Variants in CTNNA3 observed in about 807,000 individuals in gnomAD.
CTNNA3 encodes the protein catenin alpha 3.
A neutral mutation model predicts 95.7 loss-of-function variants in CTNNA3; 76 were observed. The ratio of observed to expected loss-of-function variants is 0.79; its 90% confidence interval spans 0.66 to 0.96. The LOEUF is 0.96. Ranked by LOEUF, CTNNA3 falls within the 40% of genes least tolerant of loss-of-function variation. CTNNA3 has a pLI of 0.00. For synonymous variants in CTNNA3, 431 were observed against 374.4 expected, an observed-to-expected ratio of 1.15 and a Z score of -1.74; for missense variants, 1,191 against 1,089.8, an observed-to-expected ratio of 1.09 and a Z score of -1.31.
intron 7 of CTNNA3, among the ~76,000 whole-genome samples, chr10:67,044,519 T>C (rs1466744543): frequency 3.3e-5 from 5 of 152,180 alleles, no homozygotes; most frequent in African/African-American, 1.2e-4. Flanking sequence ...TCTGGAAAGT[T>C]TCCCAGATTC....
chr10:66,516,635 G>A (rs1211830839), intron 11 of CTNNA3, among the ~76,000 whole-genome samples: 1 of 152,070 alleles, frequency 6.6e-6, no homozygotes, highest in Non-Finnish European at 1.5e-5. Context: ...CACTCCCTCT[G>A]GCTTCTAGTC....
intron 7 of CTNNA3, among the ~76,000 whole-genome samples, chr10:66,840,406 ACACACC>A (rs1843028214): frequency 8.3e-6 from 1 of 120,756 alleles, no homozygotes; most frequent in Admixed American, 8.0e-5. Context: ...ACACACACAC[ACACACC>A]CCTCGGTATA....
chr10:67,710,806 G>C (rs1434347997), intron 1 of CTNNA3, among the ~76,000 whole-genome samples: 1 of 152,190 alleles, frequency 6.6e-6, no homozygotes, highest in African/African-American at 2.4e-5. Flanking sequence ...GGATAGAATA[G>C]TGACCTGGAG....
chr10:66,069,425 T>C lies in CTNNA3; in HGVS notation c.2042A>G (p.Lys681Arg), dbSNP rs2080383012. ...EKIAEQVADF[K>R]KVKSKLDAEI... ...AGCATCCAGCTTACTCTTTACTTTC[T>C]TGAAATCAGCAACTTGCTCAGCAAT... The change falls in exon 15 of 18, where the codon AAG becomes AGG. Residue 681 changes from lysine (K) to arginine (R), a missense_variant. Lys to Arg is a conservative substitution (Grantham distance 26). Coordinates refer to ENST00000433211, the MANE Select transcript of CTNNA3 (RefSeq NM_013266.4). The C allele has an allele frequency of 6.2e-7, 1 of 1,613,532 alleles. No individual in the cohort carries two copies. The highest frequency in any genetic ancestry group is 2.2e-5 in the East Asian group (1 of 44,846).
At chr10:67,227,092 T>TA (rs1564492277) in intron 5 of CTNNA3, among the ~76,000 whole-genome samples, 1 of 150,802 alleles carries the variant, frequency 6.6e-6, no homozygotes, top group African/African-American at 2.4e-5. Flanking sequence ...AGCTTTTTTT[T>TA]TCTTTTTTTT....
intron 11 of CTNNA3, 74 bp downstream of exon 11, chr10:66,520,543 T>C (rs1217739323): frequency 6.5e-6 from 9 of 1,383,040 alleles, no homozygotes; most frequent in African/African-American, 1.5e-5. Context: ...TGAGCCACCA[T>C]GCCTGTCCCA....
At chr10:66,133,338 A>G (rs1474098125) in intron 13 of CTNNA3, among the ~76,000 whole-genome samples, 2 of 152,036 alleles carry the variant, frequency 1.3e-5, no homozygotes, top group Non-Finnish European at 2.9e-5. Flanking sequence ...AACATGGCGA[A>G]ACCCCATCTC....
At chr10:67,332,192 G>T (rs1717300822) in intron 5 of CTNNA3, among the ~76,000 whole-genome samples, 1 of 152,088 alleles carries the variant, frequency 6.6e-6, no homozygotes, top group African/African-American at 2.4e-5. Flanking sequence ...AATAATAAAA[G>T]ATTAAATTTC....
intron 1 of CTNNA3, among the ~76,000 whole-genome samples, chr10:67,756,946 CTT>C (rs930536363): frequency 3.4e-4 from 52 of 152,040 alleles, no homozygotes; most frequent in African/African-American, 1.2e-3. Context: ...TTTTAAAAGA[CTT>C]AGGTGGGTTG....
At chr10:66,509,625 C>A (rs1425269237) in intron 11 of CTNNA3, among the ~76,000 whole-genome samples, 1 of 151,768 alleles carries the variant, frequency 6.6e-6, no homozygotes, top group Non-Finnish European at 1.5e-5. Flanking sequence ...AAGAGGGTGT[C>A]ATTTTTTTCA....
intron 7 of CTNNA3, among the ~76,000 whole-genome samples, chr10:66,776,969 A>G (rs1840327328): frequency 6.6e-6 from 1 of 152,196 alleles, no homozygotes; most frequent in African/African-American, 2.4e-5. Context: ...TCAAAACACA[A>G]CATAGTTTGA....
chr10:66,357,323 T>G (rs2092618699), intron 12 of CTNNA3, among the ~76,000 whole-genome samples: 1 of 152,146 alleles, frequency 6.6e-6, no homozygotes, highest in Non-Finnish European at 1.5e-5. Context: ...TCAGTGACTT[T>G]TTTTTGACAG....
intron 7 of CTNNA3, among the ~76,000 whole-genome samples, chr10:66,888,227 G>A (rs960388557): frequency 6.6e-6 from 1 of 152,168 alleles, no homozygotes; most frequent in Non-Finnish European, 1.5e-5. Flanking sequence ...GAAGCTGAGA[G>A]TGGCCTGGAT....
intron 5 of CTNNA3, among the ~76,000 whole-genome samples, chr10:67,355,265 G>A (rs989815560): frequency 6.6e-6 from 1 of 151,956 alleles, no homozygotes; most frequent in African/African-American, 2.4e-5. Context: ...TATATCAAAT[G>A]TAAACAAGAC....
At chr10:67,482,364 A>T (rs1305434422) in intron 5 of CTNNA3, among the ~76,000 whole-genome samples, 1 of 150,610 alleles carries the variant, frequency 6.6e-6, no homozygotes, top group Non-Finnish European at 1.5e-5. Context: ...CACGATATTG[A>T]TTCTTCCTAC....
chr10:67,503,964 T>C (rs1002265363), intron 5 of CTNNA3, among the ~76,000 whole-genome samples: 4 of 151,880 alleles, frequency 2.6e-5, no homozygotes, highest in African/African-American at 7.3e-5. Flanking sequence ...AAGACCATCC[T>C]GGCTAACATG....
At chr10:67,637,963 C>A (rs534561175) in intron 2 of CTNNA3, among the ~76,000 whole-genome samples, 4 of 152,074 alleles carry the variant, frequency 2.6e-5, no homozygotes, top group African/African-American at 9.7e-5. Context: ...AACTAATGAG[C>A]AAAATAACCA....
chr10:66,979,883 G>C (rs1368602738), intron 7 of CTNNA3, among the ~76,000 whole-genome samples: 1 of 152,082 alleles, frequency 6.6e-6, no homozygotes, highest in Non-Finnish European at 1.5e-5. Flanking sequence ...AAACAAAATA[G>C]AAAAAGCCTG....
chr10:65,998,059 T>C (rs2078700392), intron 15 of CTNNA3, among the ~76,000 whole-genome samples: 1 of 152,142 alleles, frequency 6.6e-6, no homozygotes, highest in Non-Finnish European at 1.5e-5. Flanking sequence ...GAGTATAATA[T>C]AAAGCTGGAG....
Sources: gnomAD v4.1 joint callset for allele counts (sites outside exome capture counted in the v4.1 genomes callset) on GRCh38, gnomAD v4.1.1 for gene constraint, MANE v1.5 for transcripts, NCBI Gene and HGNC (gene_info 2026-07-23, HGNC 2026-07-21) for gene names.